Variants in STAU2 observed in about 807,000 individuals in gnomAD.
STAU2 encodes double-stranded RNA-binding protein Staufen homolog 2.
In STAU2, 20 loss-of-function variants were observed where a neutral mutation model predicts 65.9. The observed-to-expected ratio is 0.30, with a 90% confidence interval of 0.21 to 0.44. The LOEUF (loss-of-function observed/expected upper bound fraction) is 0.44. Ranked by LOEUF, STAU2 falls within the 20% of genes least tolerant of loss-of-function variation. The probability of loss-of-function intolerance (pLI) is 1.00; values close to 1 mark genes in which losing one functional copy is unlikely to be tolerated. For missense variants in STAU2, 558 were observed against 683.9 expected (o/e 0.82, Z 2.05); for synonymous variants, 232 against 233.9 (o/e 0.99, Z 0.07).
intron 4 of STAU2, among the ~76,000 whole-genome samples, chr8:73,705,321 A>AT (rs901327586): frequency 4.0e-5 from 6 of 151,700 alleles, no homozygotes; most frequent in East Asian, 1.9e-4. Context: ...TCTAGCGAAG[A>AT]TTTTTTTTTA....
intron 1 of STAU2, among the ~76,000 whole-genome samples, chr8:73,744,394 T>G (rs1190899604): frequency 6.6e-6 from 1 of 151,916 alleles, no homozygotes; most frequent in African/African-American, 2.4e-5. Context: ...TCCCTCTTTA[T>G]TATGATCTGT....
At position 73,486,111 on chromosome 8, in the gene STAU2, C is replaced by T. The variant is rs377044160; in HGVS notation, c.1531-63409G>A. On this transcript the variant is annotated intron_variant, in intron 13 of 14. Transcript: ENST00000524300. ...TTTCTATAAGTAACTAACCTGTTAA[C>T]TTTGCCAATTAGGTACATAATAGAA... Among the ~76,000 whole-genome samples, 13 of 152,188 alleles carry T rather than the reference C, an allele frequency of 8.5e-5. No individual in the cohort carries two copies. The South Asian group carries it at 2.7e-3, about 32-fold the overall frequency.
At chr8:73,637,274 T>C (rs1814593565) in intron 6 of STAU2, among the ~76,000 whole-genome samples, 1 of 151,646 alleles carries the variant, frequency 6.6e-6, no homozygotes, top group African/African-American at 2.4e-5. Context: ...AAGGCATATT[T>C]ACATATTCAA....
intron 4 of STAU2, among the ~76,000 whole-genome samples, chr8:73,701,776 C>T (rs1267966187): frequency 6.6e-6 from 1 of 152,152 alleles, no homozygotes; most frequent in Admixed American, 6.5e-5. Flanking sequence ...AAGATATCTA[C>T]ACTCCCATGT....
chr8:73,674,938 G>C (rs1817932260), intron 5 of STAU2, among the ~76,000 whole-genome samples: 2 of 151,380 alleles, frequency 1.3e-5, no homozygotes. Context: ...GTATTTCCTA[G>C]CTTAAGTATC....
rs1369709017 is a variant in STAU2 at position 73,723,940 on chromosome 8, T to C, written c.-18+14344A>G. On this transcript the variant is annotated intron_variant, in intron 3 of 14. Transcript: ENST00000524300. ...CCTTGCTATATGACTCCTATAAATCTTTTTGGACTTTGTCCAGGCATACAG... is the reference window on the plus strand; with the variant it reads ...CCTTGCTATATGACTCCTATAAATCCTTTTGGACTTTGTCCAGGCATACAG... Among the ~76,000 whole-genome samples, 4 of 152,252 alleles carry C rather than the reference T, an allele frequency of 2.6e-5. No individual in the cohort carries two copies. In the East Asian group the frequency reaches 7.7e-4, roughly 29 times the overall value.
rs775813910 is a variant in STAU2 at position 73,433,659 on chromosome 8, C to T, written c.1531-10957G>A. ...GGGATTAGAGGCGTGCATCACTATG[C>T]CTGAGAAATTTTTGTGTTTTTAGCA... On this transcript the variant is annotated intron_variant, in intron 13 of 14. Coordinates refer to ENST00000524300, the MANE Select transcript of STAU2 (RefSeq NM_001164380.2). 3.0e-4 allele frequency among the ~76,000 whole-genome samples: 45 copies of T among 151,632 alleles called. 1 individual carries two copies. Among genetic ancestry groups the T allele is most frequent in the Non-Finnish European group, 5.4e-4 (37 of 68,006 alleles).
chr8:73,631,229 C>T (rs951531281), intron 6 of STAU2, among the ~76,000 whole-genome samples: 1 of 152,084 alleles, frequency 6.6e-6, no homozygotes, highest in African/African-American at 2.4e-5. Context: ...GTGGTACACC[C>T]TTGTAGTTCC....
intron 11 of STAU2, among the ~76,000 whole-genome samples, chr8:73,586,629 A>G (rs1299042327): frequency 1.3e-5 from 2 of 148,820 alleles, no homozygotes; most frequent in Admixed American, 1.3e-4. Flanking sequence ...AATGAGGAGA[A>G]CAGAAGAAAA....
At chr8:73,589,923 A>G (rs1167983922) in intron 11 of STAU2, among the ~76,000 whole-genome samples, 1 of 151,800 alleles carries the variant, frequency 6.6e-6, no homozygotes, top group African/African-American at 2.4e-5. Context: ...AAGCAGGAGG[A>G]GGAAGAGGAA....
intron 10 of STAU2, among the ~76,000 whole-genome samples, chr8:73,598,052 G>T (rs928931425): frequency 1.3e-5 from 2 of 152,022 alleles, no homozygotes; most frequent in African/African-American, 4.8e-5. Flanking sequence ...CATGAACATA[G>T]ATGCAAAAGT....
rs80337708 is a variant in STAU2, at chr8:73,625,154, C to A, written c.411-7703G>T. Among the ~76,000 whole-genome samples, 564 of 152,232 alleles carry A rather than the reference C, an allele frequency of 3.7e-3. 4 individuals carry two copies. Among genetic ancestry groups the A allele is most frequent in the African/African-American group, 0.012 (487 of 41,538 alleles). On this transcript the variant is annotated intron_variant, in intron 6 of 14. Transcript: ENST00000524300. ...TGCAGTTGCTATGGAAAATAGTTTA[C>A]CAGTTCCTCAAAAAATTAAAAGCAG...
intron 13 of STAU2, among the ~76,000 whole-genome samples, chr8:73,548,065 G>T (rs1807061719): frequency 6.6e-6 from 1 of 152,014 alleles, no homozygotes; most frequent in South Asian, 2.1e-4. Flanking sequence ...TAAGGGACTT[G>T]AGCGTCCATG....
chr8:73,539,910 A>G (rs57205451), intron 13 of STAU2, among the ~76,000 whole-genome samples: 1,714 of 152,204 alleles, frequency 0.011, 33 homozygotes, highest in African/African-American at 0.038. Flanking sequence ...TAACGCCTCA[A>G]GGAATCTGTG....
chr8:73,465,191 C>T (rs184922637), intron 13 of STAU2, among the ~76,000 whole-genome samples: 2 of 152,328 alleles, frequency 1.3e-5, no homozygotes, highest in Admixed American at 6.5e-5. Context: ...CTCAATTTCC[C>T]GGCCACGGAG....
chr8:73,485,894 A>G (rs1242767498), intron 13 of STAU2, among the ~76,000 whole-genome samples: 1 of 152,072 alleles, frequency 6.6e-6, no homozygotes, highest in Admixed American at 6.6e-5. Flanking sequence ...GCTGTCCAAA[A>G]CAAGGAAAGG....
At chr8:73,596,330 CAAA>C (rs953342442) in intron 10 of STAU2, among the ~76,000 whole-genome samples, 1 of 151,384 alleles carries the variant, frequency 6.6e-6, no homozygotes, top group African/African-American at 2.4e-5. Context: ...ACAATTGCTC[CAAA>C]AAAAAGATTT....
chr8:73,554,514 A>T (rs1266526072), intron 12 of STAU2, among the ~76,000 whole-genome samples: 2 of 152,146 alleles, frequency 1.3e-5, no homozygotes, highest in Non-Finnish European at 2.9e-5. Flanking sequence ...CTGGGGGTGG[A>T]GGGTGGTTGT....
At chr8:73,425,804 T>C (rs76115709) in intron 13 of STAU2, among the ~76,000 whole-genome samples, 10,463 of 152,206 alleles carry the variant, frequency 0.069, 943 homozygotes, top group African/African-American at 0.21. Flanking sequence ...TTTCTCTCTT[T>C]TTTTTTGAGA....
Sources: allele counts gnomAD v4.1 joint callset (sites outside exome capture counted in the v4.1 genomes callset), GRCh38; gene constraint gnomAD v4.1.1; transcripts MANE v1.5; gene names NCBI Gene and HGNC (gene_info 2026-07-23, HGNC 2026-07-21).